The following PDZRN3 variants were observed in gnomAD, a reference collection of about 807,000 sequenced individuals.
The protein encoded by PDZRN3 is E3 ubiquitin-protein ligase PDZRN3.
A neutral mutation model predicts 85.7 loss-of-function variants in PDZRN3; 38 were observed. The observed-to-expected ratio is 0.44, with a 90% CI of 0.34 to 0.58. PDZRN3 has a LOEUF of 0.58. PDZRN3 is among the 20% of genes least tolerant of loss of function. The pLI is 0.01. For synonymous variants in PDZRN3, 759 were observed against 638.0 expected (o/e 1.19, Z -2.86); for missense variants, 1,629 against 1,506.4 (o/e 1.08, Z -1.35).
At chr3:73,583,090 G>A (rs1211942405) in intron 3 of PDZRN3, among the ~76,000 whole-genome samples, 5 of 152,230 alleles carry the variant, frequency 3.3e-5, no homozygotes, top group South Asian at 2.1e-4. Context: ...GACTTGCTAC[G>A]TACTAAGAAC....
intron 3 of PDZRN3, among the ~76,000 whole-genome samples, chr3:73,545,943 C>T (rs187121815): frequency 1.6e-3 from 242 of 152,094 alleles, no homozygotes; most frequent in Non-Finnish European, 2.9e-3. Flanking sequence ...AGCTAAAAGG[C>T]CCAGGTCACC....
Position 73,439,728 on chromosome 3 carries a change from ATATTT to A in PDZRN3, c.919-35338_919-35334del, listed in dbSNP as rs55923666. ...GCTCAGAACATCTGCTTAGGCCCTC[ATATTT>A]TATTTTATTTTATTTTATTTTTTGA... On this transcript the variant is annotated intron_variant, in intron 3 of 9. Transcript: ENST00000263666. Among the ~76,000 whole-genome samples the A allele has an allele frequency of 1.2e-3, 174 of 151,004 alleles. 1 individual carries two copies. The highest frequency in any genetic ancestry group is 3.6e-3 in the African/African-American group (147 of 41,360).
chr3:73,523,960 C>T (rs1349094727), intron 3 of PDZRN3, among the ~76,000 whole-genome samples: 1 of 152,120 alleles, frequency 6.6e-6, no homozygotes, highest in Admixed American at 6.6e-5. Context: ...GAGTTCAGAG[C>T]CTGGGAGTCA....
chr3:73,445,827 AAC>A (rs1315052073), intron 3 of PDZRN3, among the ~76,000 whole-genome samples: 1 of 152,256 alleles, frequency 6.6e-6, no homozygotes, highest in Non-Finnish European at 1.5e-5. Context: ...GATCACAGGC[AAC>A]ACATGCTTAG....
intron 3 of PDZRN3, among the ~76,000 whole-genome samples, chr3:73,411,045 T>C (rs761251294): frequency 3.3e-5 from 5 of 152,248 alleles, no homozygotes; most frequent in Non-Finnish European, 7.3e-5. Flanking sequence ...TCTTTGCAAC[T>C]TGAGGGTCTT....
intron 3 of PDZRN3, among the ~76,000 whole-genome samples, chr3:73,545,001 G>C (rs191557789): frequency 6.6e-6 from 1 of 152,122 alleles, no homozygotes; most frequent in East Asian, 1.9e-4. Context: ...CAATAGAAAT[G>C]ATGTAAAAGG....
At chr3:73,415,984 CAAAAAAAAA>C (rs34623609) in intron 3 of PDZRN3, among the ~76,000 whole-genome samples, 5 of 62,324 alleles carry the variant, frequency 8.0e-5, no homozygotes. Flanking sequence ...CTTTCATCAC[CAAAAAAAAA>C]AAAAAAAAAG....
intron 3 of PDZRN3, among the ~76,000 whole-genome samples, chr3:73,468,293 C>T (rs1703263074): frequency 6.6e-6 from 1 of 152,072 alleles, no homozygotes; most frequent in Non-Finnish European, 1.5e-5. Context: ...AACAGATTTT[C>T]CCTTAGAGCC....
At position 73,624,195 on chromosome 3, in the gene PDZRN3, T is replaced by A; in HGVS notation, c.631A>T (p.Met211Leu). ...TTCTTCTGGTAGCGCAGCGCGGTCA[T>A]CTGCAGCTCAAGCTGCGCCGCGGCC... ...QLAAAQLELQMTALRYQKKFT... is the reference protein window; with the variant it reads ...QLAAAQLELQLTALRYQKKFT... Residue 211 changes from methionine to leucine, a missense_variant, in exon 1 of 10, where the codon ATG (methionine) becomes TTG (leucine). By Grantham distance (15) the Met-to-Leu change is conservative (BLOSUM62 2). Transcript: ENST00000263666. 3 of 1,497,440 alleles carry A rather than the reference T, an allele frequency of 2.0e-6. No individual in the cohort carries two copies. Among genetic ancestry groups the A allele is most frequent in the Non-Finnish European group, 2.7e-6 (3 of 1,129,036 alleles). The allele number at this position is 1,497,440 out of a possible 1,614,324, so 92.8% of individuals were successfully genotyped here.
intron 3 of PDZRN3, among the ~76,000 whole-genome samples, chr3:73,587,492 T>C (rs1702294918): frequency 1.3e-5 from 2 of 152,318 alleles, no homozygotes; most frequent in South Asian, 4.1e-4. Flanking sequence ...TAGCTACAAA[T>C]GTATAAAGAT....
At chr3:73,432,918 G>A (rs1702460428) in intron 3 of PDZRN3, among the ~76,000 whole-genome samples, 1 of 152,128 alleles carries the variant, frequency 6.6e-6, no homozygotes, top group Non-Finnish European at 1.5e-5. Context: ...TCCTAGTTAA[G>A]AGTAGGACTT....
chr3:73,532,617 A>G (rs1252044385), intron 3 of PDZRN3, among the ~76,000 whole-genome samples: 2 of 152,240 alleles, frequency 1.3e-5, no homozygotes, highest in African/African-American at 4.8e-5. Flanking sequence ...ACAGGCCGAC[A>G]GCAGCAGGAT....
Position 73,602,750 on chromosome 3 carries a change from T to C in PDZRN3, c.811-289A>G, listed in dbSNP as rs188352680. Among the ~76,000 whole-genome samples the C allele has an allele frequency of 1.1e-3, 163 of 152,338 alleles. 2 individuals carry two copies. Among genetic ancestry groups the C allele is most frequent in the Non-Finnish European group, 1.3e-3 (87 of 68,022 alleles). On this transcript the variant is annotated intron_variant, in intron 2 of 9. Transcript: ENST00000263666. Reference sequence around the variant, plus strand: ...GACTTTATGCATCCTTTTGAAAACATTTTAACACATCATATTCCTAAATAT... The same window carrying C: ...GACTTTATGCATCCTTTTGAAAACACTTTAACACATCATATTCCTAAATAT...
At chr3:73,623,847 C>T in intron 1 of PDZRN3, 1 of 378,354 alleles carries the variant, frequency 2.6e-6, no homozygotes. Flanking sequence ...AATTCTTTTT[C>T]GTCCTTCCAG....
intron 3 of PDZRN3, among the ~76,000 whole-genome samples, chr3:73,420,905 T>C (rs1702187327): frequency 6.6e-6 from 1 of 152,232 alleles, no homozygotes; most frequent in African/African-American, 2.4e-5. Flanking sequence ...TTAAATCACA[T>C]GGCCATATAC....
intron 3 of PDZRN3, among the ~76,000 whole-genome samples, chr3:73,451,885 A>T (rs1399689633): frequency 1.3e-5 from 2 of 152,144 alleles, no homozygotes; most frequent in Admixed American, 1.3e-4. Context: ...TTATAAACAG[A>T]GATTTAAAGA....
rs1703252006 is a variant in PDZRN3 at position 73,467,859 on chromosome 3, G to A, written c.919-63464C>T. On this transcript the variant is annotated intron_variant, in intron 3 of 9. Transcript: ENST00000263666. ...AAATAAGCCAGTTACAAAAGGACAA[G>A]TACTATATAATTCCACTTATATGAG... is the stretch of plus-strand genomic sequence containing the variant. 2.0e-5 allele frequency among the ~76,000 whole-genome samples: 3 copies of A among 152,186 alleles called. No homozygotes were observed. The South Asian group carries it at 6.2e-4, about 31-fold the overall frequency.
intron 3 of PDZRN3, among the ~76,000 whole-genome samples, chr3:73,573,911 T>C (rs1484925745): frequency 6.6e-6 from 1 of 152,118 alleles, no homozygotes; most frequent in Non-Finnish European, 1.5e-5. Flanking sequence ...TAAAAAAAAT[T>C]CACAGCAAAT....
intron 3 of PDZRN3, among the ~76,000 whole-genome samples, chr3:73,598,768 G>A (rs1702469050): frequency 6.6e-6 from 1 of 151,958 alleles, no homozygotes; most frequent in South Asian, 2.1e-4. Context: ...ACATCATGTA[G>A]GCAGTCTAGC....
Sources: gnomAD v4.1 joint callset for allele counts (sites outside exome capture counted in the v4.1 genomes callset) on GRCh38, gnomAD v4.1.1 for gene constraint, MANE v1.5 for transcripts, NCBI Gene and HGNC (gene_info 2026-07-23, HGNC 2026-07-21) for gene names.